The following PCDHGA4 variants were observed in gnomAD, a reference collection of about 807,000 sequenced individuals.
PCDHGA4 encodes the protein protocadherin gamma-A4.
PCDHGA4 carries 38 observed loss-of-function variants against 54.6 expected under a neutral mutation model. The observed-to-expected ratio is 0.70, with a 90% CI of 0.54 to 0.91. PCDHGA4 has a LOEUF of 0.91. Ranked by LOEUF, PCDHGA4 falls within the 40% of genes least tolerant of loss-of-function variation. PCDHGA4 has a pLI of 0.00. For synonymous variants in PCDHGA4, 511 were observed against 512.9 expected, an observed-to-expected ratio of 1.00 and a Z score of 0.05; for missense variants, 1,298 against 1,220.9, an observed-to-expected ratio of 1.06 and a Z score of -0.94.
intron 1 of PCDHGA4, chr5:141,389,201 C>T: frequency 1.2e-6 from 2 of 1,614,034 alleles, no homozygotes; most frequent in Non-Finnish European, 1.7e-6. Flanking sequence ...TCACCCTGCA[C>T]ATTGGTGATG....
rs755863653 is a variant in PCDHGA4 at position 141,422,228 on chromosome 5, TG to T, written c.2514+64608del. 2.3e-5 allele frequency: 36 copies of T among 1,565,448 alleles called. No individual in the cohort carries two copies. The Middle Eastern group carries it at 8.6e-4, about 37-fold the overall frequency. ...GGAGGTCTCTTTACCACCACGACGA[TG>T]TTGATCACTGTTGTGGATGTGAATG... On this transcript the variant is annotated intron_variant, in intron 1 of 3. Transcript: ENST00000571252.
intron 1 of PCDHGA4, chr5:141,478,342 G>T (rs1489278202): frequency 6.2e-7 from 1 of 1,613,862 alleles, no homozygotes; most frequent in Non-Finnish European, 8.5e-7. Flanking sequence ...GGCCCTCCTT[G>T]CACGCGGACG....
Position 141,491,755 on chromosome 5 carries a change from G to T in PCDHGA4, c.2515-3052G>T, listed in dbSNP as rs1402188587. 3 of 1,582,078 alleles carry T rather than the reference G, an allele frequency of 1.9e-6. No individual in the cohort carries two copies. Among genetic ancestry groups the T allele is most frequent in the Non-Finnish European group, 2.6e-6 (3 of 1,165,458 alleles). On this transcript the variant is annotated intron_variant, in intron 1 of 3. Coordinates refer to ENST00000571252, the MANE Select transcript of PCDHGA4 (RefSeq NM_018917.4). This position sits in a 1 kb window ranked among gnomAD's most constrained non-coding sequence, Gnocchi z 6.9. ...CCCTGGGGGCGGCACTGGAGAAGCC[G>T]CCCGTCCTCATAAGGGATTGAACTT...
intron 1 of PCDHGA4, chr5:141,374,067 T>A: frequency 1.3e-6 from 2 of 1,500,346 alleles, no homozygotes; most frequent in Non-Finnish European, 1.8e-6. Context: ...CCCAGAGAAG[T>A]TCCTAATAAG....
chr5:141,369,075 T>C (rs1766014399), intron 1 of PCDHGA4, among the ~76,000 whole-genome samples: 1 of 152,154 alleles, frequency 6.6e-6, no homozygotes, highest in African/African-American at 2.4e-5. Context: ...ATAATTTCTT[T>C]AGGAAGATTT....
At chr5:141,364,856 C>T (rs748996283) in intron 1 of PCDHGA4, 1 of 1,614,006 alleles carries the variant, frequency 6.2e-7, no homozygotes, top group South Asian at 1.1e-5. Context: ...CAGCTCCAAT[C>T]TGCACTTCTC....
At chr5:141,366,013 G>T (rs1764261730) in intron 1 of PCDHGA4, 5 of 1,614,102 alleles carry the variant, frequency 3.1e-6, no homozygotes, top group Non-Finnish European at 4.2e-6. Flanking sequence ...ATACGCCTGA[G>T]ATCCTGTACC....
intron 1 of PCDHGA4, chr5:141,409,191 A>G: frequency 1.2e-6 from 2 of 1,613,970 alleles, no homozygotes; most frequent in African/African-American, 2.7e-5. Flanking sequence ...CTCTCTACCC[A>G]GTGTAAAGTA....
chr5:141,479,813 T>G (rs543146395), intron 1 of PCDHGA4, among the ~76,000 whole-genome samples: 1 of 152,318 alleles, frequency 6.6e-6, no homozygotes, highest in South Asian at 2.1e-4. Flanking sequence ...TATGCAAGGA[T>G]ACTATCCAAG....
At chr5:141,419,457 A>AGGCCCGCGACCAGGGCT in intron 1 of PCDHGA4, 2 of 1,612,728 alleles carry the variant, frequency 1.2e-6, no homozygotes, top group Non-Finnish European at 1.7e-6. Context: ...CTCACGCTGC[A>AGGCCCGCGACCAGGGCT]GGCCCGCGAC....
Position 141,491,504 on chromosome 5 carries a change from G to T in PCDHGA4, c.2515-3303G>T. 6.2e-7 allele frequency: 1 copy of T among 1,614,048 alleles called. No homozygotes were observed. The highest frequency in any genetic ancestry group is 2.2e-5 in the East Asian group (1 of 44,876). Reference sequence around the variant, plus strand: ...CCCAACCTGCAGGTGAGCTCGGACGGCACGCTCAAGTACATGGAGGTGACG... The same window carrying T: ...CCCAACCTGCAGGTGAGCTCGGACGTCACGCTCAAGTACATGGAGGTGACG... On this transcript the variant is annotated intron_variant, in intron 1 of 3. Transcript: ENST00000571252. The surrounding 1 kb of genome is among the most constrained non-coding windows in gnomAD (Gnocchi z 6.9).
At position 141,477,226 on chromosome 5, in the gene PCDHGA4, C is replaced by G. The variant is rs779570150; in HGVS notation, c.2515-17581C>G. 59 of 1,614,076 alleles carry G rather than the reference C, an allele frequency of 3.7e-5. No homozygotes were observed. The highest frequency in any genetic ancestry group is 1.3e-4 in the Admixed American group (8 of 60,004). On this transcript the variant is annotated intron_variant, in intron 1 of 3. Coordinates refer to ENST00000571252, the MANE Select transcript of PCDHGA4 (RefSeq NM_018917.4). This position sits in a 1 kb window ranked among gnomAD's most constrained non-coding sequence, Gnocchi z 4.9. ...CCGAGGATGCCCCTCTGGGGACTGT[C>G]ATCGCTTTGCTCAGTGTGACTGACC...
intron 1 of PCDHGA4, chr5:141,376,339 C>G: frequency 6.2e-7 from 1 of 1,614,192 alleles, no homozygotes; most frequent in Non-Finnish European, 8.5e-7. Flanking sequence ...TCCTGCAGAC[C>G]TATTCCCACG....
At chr5:141,419,298 A>G in intron 1 of PCDHGA4, 1 of 1,613,988 alleles carries the variant, frequency 6.2e-7, no homozygotes, top group Non-Finnish European at 8.5e-7. Context: ...TCTGACCCAG[A>G]CTTCGGGCTC....
intron 1 of PCDHGA4, among the ~76,000 whole-genome samples, chr5:141,435,760 T>TTGGTGAATTC (rs2097778609): frequency 1.3e-5 from 2 of 152,172 alleles, no homozygotes; most frequent in African/African-American, 4.8e-5. Context: ...TTGATTTCTT[T>TTGGTGAATTC]TGGTGAATTC....
At position 141,405,049 on chromosome 5, in the gene PCDHGA4, C is replaced by T. The variant is rs190786640; in HGVS notation, c.2514+47428C>T. 223 of 1,613,936 alleles carry T rather than the reference C, an allele frequency of 1.4e-4. 1 individual carries two copies. The African/African-American group carries it at 1.9e-3, about 14-fold the overall frequency. On this transcript the variant is annotated intron_variant, in intron 1 of 3. Coordinates refer to ENST00000571252, the MANE Select transcript of PCDHGA4 (RefSeq NM_018917.4). ...TCTACCTCGTTGTGGCTGTGGCAGTCGTCTCCTGTGTCTTCCTCACCTTCG... is the reference window on the plus strand; with the variant it reads ...TCTACCTCGTTGTGGCTGTGGCAGTTGTCTCCTGTGTCTTCCTCACCTTCG...
At chr5:141,433,181 G>T (rs199507607) in intron 1 of PCDHGA4, 45 of 1,607,620 alleles carry the variant, frequency 2.8e-5, no homozygotes, top group Non-Finnish European at 3.4e-5. Context: ...TGGGTTAATT[G>T]AGGTGAGTTT....
At chr5:141,372,646 C>A in intron 1 of PCDHGA4, 2 of 1,614,008 alleles carry the variant, frequency 1.2e-6, no homozygotes, top group Non-Finnish European at 1.7e-6. Context: ...TTGCCTTATT[C>A]CTACAATCCG....
In PCDHGA4 at chr5:141,432,927, G is replaced by T. The variant is rs774982939; in HGVS notation, c.2515-61880G>T. ...AGGCTGCGGCGCTGGCACAAGTCAC[G>T]CCTGCTGCAGGCTTCAGGAGGCGGC... is the stretch of plus-strand genomic sequence containing the variant. On this transcript the variant is annotated intron_variant, in intron 1 of 3. Coordinates refer to ENST00000571252, the MANE Select transcript of PCDHGA4 (RefSeq NM_018917.4). This position sits in a 1 kb window ranked among gnomAD's most constrained non-coding sequence, Gnocchi z 6.0. 1.9e-6 allele frequency: 3 copies of T among 1,614,162 alleles called. No homozygotes were observed. In the Admixed American group the frequency reaches 5.0e-5, roughly 27 times the overall value.
Sources: allele counts gnomAD v4.1 joint callset (sites outside exome capture counted in the v4.1 genomes callset), GRCh38; gene constraint gnomAD v4.1.1; non-coding constraint Gnocchi (gnomAD v3.1); transcripts MANE v1.5; gene names NCBI Gene and HGNC (gene_info 2026-07-23, HGNC 2026-07-21).